The following HECW1 variants were observed in gnomAD, a reference collection of about 807,000 sequenced individuals.
HECW1 encodes E3 ubiquitin-protein ligase HECW1.
Under a neutral mutation model 182.3 loss-of-function variants are expected in HECW1, and 61 were observed. That is an observed-to-expected ratio of 0.33 (90% CI 0.27 to 0.41). The LOEUF (loss-of-function observed/expected upper bound fraction) is 0.41, where lower values mean the gene tolerates loss of function less well. Among genes scored for constraint, HECW1 ranks in the 10% least tolerant of loss-of-function variants. HECW1 has a pLI of 1.00. For synonymous variants in HECW1, 859 were observed against 832.6 expected (o/e 1.03, Z -0.55); for missense variants, 1,739 against 2,108.9 (o/e 0.82, Z 3.44).
intron 24 of HECW1, among the ~76,000 whole-genome samples, chr7:43,521,677 A>G (rs1004266000): frequency 3.3e-5 from 5 of 152,164 alleles, no homozygotes; most frequent in African/African-American, 1.2e-4. Context: ...GGAGTTCAAG[A>G]CCAGTCTGAC....
intron 3 of HECW1, among the ~76,000 whole-genome samples, chr7:43,291,941 TAAACAAA>T (rs1215555158): frequency 6.6e-6 from 1 of 152,214 alleles, no homozygotes; most frequent in Non-Finnish European, 1.5e-5. Flanking sequence ...AAAAGCACTT[TAAACAAA>T]GGTAAGGCTT....
At chr7:43,556,493 C>T (rs1291381040) in intron 29 of HECW1, among the ~76,000 whole-genome samples, 1 of 152,130 alleles carries the variant, frequency 6.6e-6, no homozygotes, top group Non-Finnish European at 1.5e-5. Context: ...TCAAGACCAA[C>T]CTGGGCAACA....
At chr7:43,192,046 G>A (rs1453862613) in intron 2 of HECW1, among the ~76,000 whole-genome samples, 1 of 150,600 alleles carries the variant, frequency 6.6e-6, no homozygotes, top group African/African-American at 2.4e-5. Flanking sequence ...TGCAACCTCC[G>A]CCTCCTGGGT....
At chr7:43,316,809 C>T (rs1401564541) in intron 4 of HECW1, among the ~76,000 whole-genome samples, 6 of 45,122 alleles carry the variant, frequency 1.3e-4, no homozygotes, top group Admixed American at 1.3e-3. Context: ...TCTCCCGTCC[C>T]GTCTCCTCCC....
intron 2 of HECW1, among the ~76,000 whole-genome samples, chr7:43,136,075 TTTTTTCTCAGTTTATTCACC>T (rs760987225): frequency 8.5e-5 from 13 of 152,096 alleles, no homozygotes; most frequent in Admixed American, 5.2e-4. Flanking sequence ...TTCAACTTTT[TTTTTTCTCAGTTTATTCACC>T]TTTGGACAGT....
At chr7:43,200,381 A>C (rs1346400316) in intron 2 of HECW1, among the ~76,000 whole-genome samples, 1 of 152,178 alleles carries the variant, frequency 6.6e-6, no homozygotes. Context: ...AGAATGGAAA[A>C]TTTTGGCTCA....
intron 2 of HECW1, among the ~76,000 whole-genome samples, chr7:43,216,805 C>A (rs562959576): frequency 3.9e-5 from 6 of 152,286 alleles, no homozygotes; most frequent in Non-Finnish European, 5.9e-5. Flanking sequence ...CAGGCACCCA[C>A]CACCATGCTC....
intron 3 of HECW1, among the ~76,000 whole-genome samples, chr7:43,288,021 GA>G (rs1421518161): frequency 1.3e-5 from 2 of 152,178 alleles, no homozygotes; most frequent in East Asian, 3.8e-4. Flanking sequence ...TATCCATGTA[GA>G]CAGAGATAGT....
At chr7:43,314,674 T>C (rs1472561881) in intron 4 of HECW1, among the ~76,000 whole-genome samples, 3 of 152,244 alleles carry the variant, frequency 2.0e-5, no homozygotes, top group African/African-American at 7.2e-5. Flanking sequence ...TCATTGTAGC[T>C]ACACATATAT....
intron 5 of HECW1, among the ~76,000 whole-genome samples, chr7:43,329,635 C>T (rs1396125000): frequency 2.0e-5 from 3 of 152,016 alleles, no homozygotes; most frequent in African/African-American, 4.8e-5. Context: ...AGAAAGGGGG[C>T]GAGTTTGGGG....
chr7:43,414,021 A>G (rs2075899466), intron 8 of HECW1, among the ~76,000 whole-genome samples: 1 of 151,148 alleles, frequency 6.6e-6, no homozygotes, highest in Non-Finnish European at 1.5e-5. Context: ...TGGGGATGGC[A>G]TTGAATCTGT....
In HECW1 at chr7:43,563,669, G is replaced by A; in HGVS notation, c.*1743G>A. ...AGATCGCTTGAGGTCAGGAGTTCAA[G>A]ACAAGCCTGGCCAACATGGTGAAAC... On this transcript the variant is annotated 3_prime_UTR_variant, in exon 30 of 30. Transcript: ENST00000395891. The A allele has an allele frequency of 5.7e-6, 1 of 176,978 alleles. No individual in the cohort carries two copies. The highest frequency in any genetic ancestry group is 1.2e-5 in the Non-Finnish European group (1 of 82,266). 11.0% of individuals were successfully genotyped at this position (176,978 alleles called of 1,614,324 possible). A position where few individuals can be genotyped will look rare whatever the true frequency, so the allele number is the denominator to read the frequency against.
At chr7:43,200,577 C>T (rs925241803) in intron 2 of HECW1, among the ~76,000 whole-genome samples, 9 of 152,264 alleles carry the variant, frequency 5.9e-5, no homozygotes, top group African/African-American at 2.2e-4. Flanking sequence ...CTGAGGTTGC[C>T]TTCTAAGATA....
intron 6 of HECW1, among the ~76,000 whole-genome samples, chr7:43,376,614 C>T (rs1231314523): frequency 2.0e-5 from 3 of 152,154 alleles, no homozygotes; most frequent in Non-Finnish European, 2.9e-5. Flanking sequence ...CCTATAATCC[C>T]AGCACTTTGG....
chr7:43,464,663 C>G (rs2077701476), intron 14 of HECW1, among the ~76,000 whole-genome samples: 1 of 152,184 alleles, frequency 6.6e-6, no homozygotes, highest in African/African-American at 2.4e-5. Context: ...TCTTAGCTGT[C>G]TACAGCAATG....
At chr7:43,353,811 G>A (rs1006867488) in intron 5 of HECW1, among the ~76,000 whole-genome samples, 2 of 152,246 alleles carry the variant, frequency 1.3e-5, no homozygotes, top group African/African-American at 4.8e-5. Context: ...CCTGAAGAGA[G>A]AACTATCCCT....
At chr7:43,248,260 C>A (rs1017377541) in intron 3 of HECW1, among the ~76,000 whole-genome samples, 10 of 152,166 alleles carry the variant, frequency 6.6e-5, no homozygotes, top group African/African-American at 2.4e-4. Flanking sequence ...TCTCCTGACA[C>A]AGAATGGGCA....
intron 22 of HECW1, 40 bp from the exon 23 acceptor site, chr7:43,507,978 G>A (rs1350882762): frequency 6.9e-7 from 1 of 1,440,688 alleles, no homozygotes; most frequent in Non-Finnish European, 9.8e-7. Flanking sequence ...CCAGCATCCT[G>A]ACTTCAGGGC....
In HECW1 at chr7:43,176,888, C is replaced by T. The variant is rs1198604565; in HGVS notation, c.-32+62497C>T. Among the ~76,000 whole-genome samples, 4 of 152,116 alleles carry T rather than the reference C, an allele frequency of 2.6e-5. No individual in the cohort carries two copies. The East Asian group carries it at 7.7e-4, about 29-fold the overall frequency. The stretch of plus-strand genomic sequence containing the variant: ...AGTTTCTAGAAGTTTGTCTAAAGGC[C>T]ACCTGCATTGCAATTACGAAGCAGT... On this transcript the variant is annotated intron_variant, in intron 2 of 29. Coordinates refer to ENST00000395891, the MANE Select transcript of HECW1 (RefSeq NM_015052.5).
Sources: gnomAD v4.1 joint callset for allele counts (sites outside exome capture counted in the v4.1 genomes callset) on GRCh38, gnomAD v4.1.1 for gene constraint, MANE v1.5 for transcripts, NCBI Gene and HGNC (gene_info 2026-07-23, HGNC 2026-07-21) for gene names.